Variants in SH3BP5 observed in about 807,000 individuals in gnomAD.
SH3BP5 encodes the protein SH3 domain binding protein 5, also known as SH3 domain-binding protein 5.
SH3BP5 carries 22 observed loss-of-function variants against 43.3 expected under a neutral mutation model. The observed-to-expected ratio is 0.51, with a 90% confidence interval of 0.36 to 0.73. The LOEUF is 0.73. SH3BP5 is among the 30% of genes least tolerant of loss of function. The pLI is 0.00. For missense variants in SH3BP5, 529 were observed against 586.9 expected (o/e 0.90, Z 1.02); for synonymous variants, 255 against 225.8 (o/e 1.13, Z -1.16).
chr3:15,316,219 CT>C (rs577644493), intron 2 of SH3BP5, among the ~76,000 whole-genome samples: 325 of 81,680 alleles, frequency 4.0e-3, no homozygotes, highest in African/African-American at 0.014. Context: ...AAAAGACTCG[CT>C]TTTTTTTTTT....
chr3:15,267,739 A>G (rs1230764255), intron 4 of SH3BP5, among the ~76,000 whole-genome samples: 1 of 152,180 alleles, frequency 6.6e-6, no homozygotes. Context: ...CGGTGCCCTG[A>G]GTTATACAGT....
At chr3:15,265,371 C>T (rs576909607) in intron 4 of SH3BP5, among the ~76,000 whole-genome samples, 3 of 152,228 alleles carry the variant, frequency 2.0e-5, no homozygotes, top group Admixed American at 6.5e-5. Context: ...CAAAAATTAG[C>T]TGGGTGTGGT....
intron 5 of SH3BP5, among the ~76,000 whole-genome samples, chr3:15,261,877 C>T (rs1399597096): frequency 1.3e-5 from 2 of 152,178 alleles, no homozygotes; most frequent in Non-Finnish European, 2.9e-5. Flanking sequence ...TTTACCAAAT[C>T]CCAGCCAATG....
chr3:15,299,572 C>A (rs976108684), intron 3 of SH3BP5, among the ~76,000 whole-genome samples: 8 of 141,804 alleles, frequency 5.6e-5, no homozygotes, highest in Middle Eastern at 4.0e-3. Context: ...TGGCTCACTG[C>A]AGCCTTGAAC....
intron 4 of SH3BP5, 70 bp from the exon 5 acceptor site, chr3:15,262,359 A>ATTTTTCAAAAAATATTCTTTGCT: frequency 6.5e-7 from 1 of 1,526,956 alleles, no homozygotes; most frequent in East Asian, 2.4e-5. Context: ...TACTTATATT[A>ATTTTTCAAAAAATATTCTTTGCT]TTTTTCAAAA....
chr3:15,303,700 A>AG (rs1158098153), intron 3 of SH3BP5, among the ~76,000 whole-genome samples: 1 of 152,120 alleles, frequency 6.6e-6, no homozygotes, highest in Non-Finnish European at 1.5e-5. Flanking sequence ...AGGAAAAAAA[A>AG]AAAAAGAAAA....
chr3:15,272,499 TG>T (rs1329577943), intron 3 of SH3BP5, among the ~76,000 whole-genome samples: 1 of 151,248 alleles, frequency 6.6e-6, no homozygotes, highest in Non-Finnish European at 1.5e-5. Context: ...GCTGATGAGG[TG>T]GGGGACAGAA....
At position 15,296,862 on chromosome 3, in the gene SH3BP5, TA is replaced by T. The variant is rs869130338; in HGVS notation, c.330+7240del. On this transcript the variant is annotated intron_variant, in intron 3 of 8. Coordinates refer to ENST00000383791, the MANE Select transcript of SH3BP5 (RefSeq NM_004844.5). ...GCAAGCACCACCATGTCTGGCTTCT[TA>T]AAAAAAAAAAAAAAAAAGAAATGGT... 2.7e-3 allele frequency among the ~76,000 whole-genome samples: 331 copies of T among 123,150 alleles called. 2 individuals carry two copies. Among genetic ancestry groups the T allele is most frequent in the African/African-American group, 3.3e-3 (109 of 32,634 alleles). 80.8% of individuals were successfully genotyped at this position (123,150 alleles called of 152,430 possible). A position where few individuals can be genotyped will look rare whatever the true frequency, so the allele number is the denominator to read the frequency against.
In SH3BP5 at chr3:15,261,738, A is replaced by AT. The variant is rs201824600; in HGVS notation, c.626+420dup. ...ACTCTACTAAAGCCAGTCTTACAGC[A>AT]TTTTATCAGCTCTTGATCACAGGAA... is the stretch of plus-strand genomic sequence containing the variant. On this transcript the variant is annotated intron_variant, in intron 5 of 8. Transcript: ENST00000383791. Among the ~76,000 whole-genome samples, 1,396 of 152,180 alleles carry AT rather than the reference A, an allele frequency of 9.2e-3. 26 individuals are homozygous for AT. The highest frequency in any genetic ancestry group is 0.032 in the African/African-American group (1,334 of 41,476).
At chr3:15,273,482 T>A in intron 3 of SH3BP5, 1 of 830,410 alleles carries the variant, frequency 1.2e-6, no homozygotes, top group Non-Finnish European at 1.5e-6. Context: ...GACAAGCGTC[T>A]GAAGTTTCTG....
rs550827618 is a variant in SH3BP5 at position 15,287,392 on chromosome 3, G to A, written c.330+16711C>T. Reference sequence around the variant, plus strand: ...AGAGCTGACAAAAAGCCGAGGGAGCGGGGCTAAAGGAAGGGTTCATGAAAG... The same window carrying A: ...AGAGCTGACAAAAAGCCGAGGGAGCAGGGCTAAAGGAAGGGTTCATGAAAG... On this transcript the variant is annotated intron_variant, in intron 3 of 8. Coordinates refer to ENST00000383791, the MANE Select transcript of SH3BP5 (RefSeq NM_004844.5). 5.9e-5 allele frequency among the ~76,000 whole-genome samples: 9 copies of A among 152,204 alleles called. No individual in the cohort carries two copies. In the South Asian group the frequency reaches 1.9e-3, roughly 32 times the overall value.
At chr3:15,286,709 A>G (rs544526990) in intron 3 of SH3BP5, among the ~76,000 whole-genome samples, 2 of 152,054 alleles carry the variant, frequency 1.3e-5, no homozygotes, top group African/African-American at 4.8e-5. Context: ...GCACACCAAC[A>G]TGCCCAGTTA....
intron 3 of SH3BP5, among the ~76,000 whole-genome samples, chr3:15,285,361 G>T (rs1355699217): frequency 6.6e-6 from 1 of 152,094 alleles, no homozygotes; most frequent in Non-Finnish European, 1.5e-5. Context: ...TCATATGAAC[G>T]CCATTCTCTC....
chr3:15,256,648 A>G (rs1004463051), intron 8 of SH3BP5: 2 of 624,564 alleles, frequency 3.2e-6, no homozygotes, highest in Non-Finnish European at 5.5e-6. Flanking sequence ...CCTAAGCTCT[A>G]CTTTATAGAA....
chr3:15,266,332 AT>A (rs1696645409), intron 4 of SH3BP5, among the ~76,000 whole-genome samples: 1 of 152,170 alleles, frequency 6.6e-6, no homozygotes. Flanking sequence ...CCAGGCTCAT[AT>A]CCACTGTGAA....
At chr3:15,279,093 C>T (rs1172862710) in intron 3 of SH3BP5, among the ~76,000 whole-genome samples, 4 of 152,098 alleles carry the variant, frequency 2.6e-5, no homozygotes, top group East Asian at 1.9e-4. Flanking sequence ...TCATTGGAAC[C>T]TGGGAGGTGG....
chr3:15,288,088 T>C (rs1697313543), intron 3 of SH3BP5, among the ~76,000 whole-genome samples: 1 of 152,152 alleles, frequency 6.6e-6, no homozygotes, highest in African/African-American at 2.4e-5. Flanking sequence ...AGGAAAGAAC[T>C]TACATTGCAG....
chr3:15,318,974 G>A (rs774318713), intron 2 of SH3BP5, among the ~76,000 whole-genome samples: 18 of 152,118 alleles, frequency 1.2e-4, no homozygotes, highest in South Asian at 2.1e-4. Context: ...ATGCAATACC[G>A]GGACTCTCTT....
chr3:15,272,495 G>C (rs1241519639), intron 3 of SH3BP5, among the ~76,000 whole-genome samples: 1 of 152,102 alleles, frequency 6.6e-6, no homozygotes, highest in Non-Finnish European at 1.5e-5. Context: ...ATGGGCTGAT[G>C]AGGTGGGGGA....
Sources: allele counts gnomAD v4.1 joint callset (sites outside exome capture counted in the v4.1 genomes callset), GRCh38; gene constraint gnomAD v4.1.1; transcripts MANE v1.5; gene names NCBI Gene and HGNC (gene_info 2026-07-23, HGNC 2026-07-21).